FABP7: variants seen among roughly 807,000 people sequenced by gnomAD.
FABP7 encodes the protein fatty acid-binding protein, brain.
Under a neutral mutation model 14.2 loss-of-function variants are expected in FABP7, and 13 were observed. That is an observed-to-expected ratio of 0.91 (90% CI 0.59 to 1.45). The LOEUF is 1.45. FABP7 is among the 40% of genes most tolerant of loss of function. The pLI, the probability that FABP7 is intolerant of heterozygous loss-of-function variation, is 0.00. For synonymous variants in FABP7, 49 were observed against 51.4 expected (o/e 0.95, Z 0.20); for missense variants, 149 against 157.6 (o/e 0.95, Z 0.29).
At chr6:122,773,570 T>C in the FABP7 span, among the ~76,000 whole-genome samples, 3 of 152,178 alleles carry the variant, frequency 2.0e-5, no homozygotes, top group Admixed American at 2.0e-4. Flanking sequence ...TGTAATTACA[T>C]TTCCTTTCCA....
chr6:122,769,535 G>C, the FABP7 span, among the ~76,000 whole-genome samples: 1 of 152,080 alleles, frequency 6.6e-6, no homozygotes, highest in Non-Finnish European at 1.5e-5. Flanking sequence ...TGGAGAGGCA[G>C]AAATAAATGC....
chr6:122,781,533 C>T (rs1163689374), intron 3 of FABP7: 1 of 1,307,540 alleles, frequency 7.6e-7, no homozygotes, highest in Non-Finnish European at 9.7e-7. Context: ...TAATATAAAG[C>T]CCATAATCAC....
chr6:122,770,686 T>C, the FABP7 span, among the ~76,000 whole-genome samples: 1 of 152,214 alleles, frequency 6.6e-6, no homozygotes, highest in Non-Finnish European at 1.5e-5. Flanking sequence ...TTGAAATCTC[T>C]ATAAATATAA....
At chr6:122,771,131 G>A in the FABP7 span, among the ~76,000 whole-genome samples, 1 of 152,170 alleles carries the variant, frequency 6.6e-6, no homozygotes, top group Non-Finnish European at 1.5e-5. Context: ...ATATTTGGGA[G>A]CCAGCAGGTG....
chr6:122,773,152 G>T, the FABP7 span, among the ~76,000 whole-genome samples: 1 of 152,126 alleles, frequency 6.6e-6, no homozygotes, highest in Non-Finnish European at 1.5e-5. Flanking sequence ...CCCAAAATTT[G>T]TAAGTAACTA....
chr6:122,756,862 T>A, the FABP7 span, among the ~76,000 whole-genome samples: 1 of 152,208 alleles, frequency 6.6e-6, no homozygotes, highest in Non-Finnish European at 1.5e-5. Flanking sequence ...TTCTGATATA[T>A]GACACTATCC....
the FABP7 span, among the ~76,000 whole-genome samples, chr6:122,755,070 G>A: frequency 6.6e-6 from 1 of 151,868 alleles, no homozygotes; most frequent in Non-Finnish European, 1.5e-5. Flanking sequence ...TAACACCAGG[G>A]ATTTCTAATC....
the FABP7 span, among the ~76,000 whole-genome samples, chr6:122,757,221 T>C: frequency 6.6e-6 from 1 of 152,168 alleles, no homozygotes; most frequent in East Asian, 1.9e-4. Flanking sequence ...AGATACTGAT[T>C]TACCCCTTCC....
the FABP7 span, among the ~76,000 whole-genome samples, chr6:122,771,130 A>T: frequency 1.3e-5 from 2 of 151,950 alleles, no homozygotes; most frequent in African/African-American, 4.8e-5. Flanking sequence ...GATATTTGGG[A>T]GCCAGCAGGT....
upstream of FABP7, among the ~76,000 whole-genome samples, chr6:122,777,248 A>G (rs115411639): frequency 4.0e-3 from 603 of 152,330 alleles, 5 homozygotes; most frequent in African/African-American, 0.014. Context: ...TATAGCAATA[A>G]TTTGTAACAA....
At chr6:122,773,724 C>T in the FABP7 span, among the ~76,000 whole-genome samples, 7 of 152,162 alleles carry the variant, frequency 4.6e-5, no homozygotes, top group Admixed American at 4.6e-4. Context: ...CCTTGGTTAA[C>T]TTACTTTGCT....
At chr6:122,758,320 C>T in the FABP7 span, among the ~76,000 whole-genome samples, 1 of 152,066 alleles carries the variant, frequency 6.6e-6, no homozygotes, top group Admixed American at 6.6e-5. Context: ...GTCGGCCAGG[C>T]TGCTCTTAAA....
chr6:122,770,794 C>G, the FABP7 span, among the ~76,000 whole-genome samples: 2 of 152,094 alleles, frequency 1.3e-5, no homozygotes, highest in African/African-American at 4.8e-5. Context: ...TTATTCTCCC[C>G]TTTTAACAAA....
At chr6:122,751,018 G>A in the FABP7 span, among the ~76,000 whole-genome samples, 2 of 152,186 alleles carry the variant, frequency 1.3e-5, no homozygotes, top group South Asian at 4.2e-4. Context: ...TCTTTAGTGG[G>A]TTCACATGTC....
chr6:122,764,363 G>A, the FABP7 span, among the ~76,000 whole-genome samples: 17 of 151,590 alleles, frequency 1.1e-4, no homozygotes, highest in South Asian at 6.3e-4. Context: ...ACAGGAAGGG[G>A]AACATCACAC....
At chr6:122,773,908 C>A in the FABP7 span, among the ~76,000 whole-genome samples, 3 of 151,694 alleles carry the variant, frequency 2.0e-5, no homozygotes, top group Non-Finnish European at 4.4e-5. Flanking sequence ...ACAAACAGGT[C>A]TTTATAATGA....
chr6:122,749,472 AT>A, the FABP7 span, among the ~76,000 whole-genome samples: 1 of 152,220 alleles, frequency 6.6e-6, no homozygotes, highest in East Asian at 1.9e-4. Context: ...ATGTGTGAAT[AT>A]TTCCATATTA....
At chr6:122,756,662 T>C in the FABP7 span, among the ~76,000 whole-genome samples, 11 of 152,340 alleles carry the variant, frequency 7.2e-5, no homozygotes, top group African/African-American at 2.4e-4. Flanking sequence ...TTGTCGATAA[T>C]ACATCCCGTT....
At chr6:122,780,106 A>ACT (rs1780746513) in intron 1 of FABP7, among the ~76,000 whole-genome samples, 185 bp from the exon 2 acceptor site, 1 of 152,188 alleles carries the variant, frequency 6.6e-6, no homozygotes, top group Non-Finnish European at 1.5e-5. Context: ...AGCTTCTCTG[A>ACT]CTTTTTTGGT....
Sources: gnomAD v4.1 joint callset for allele counts (sites outside exome capture counted in the v4.1 genomes callset) on GRCh38, gnomAD v4.1.1 for gene constraint, MANE v1.5 for transcripts, NCBI Gene and HGNC (gene_info 2026-07-23, HGNC 2026-07-21) for gene names.